PTN: variants seen among roughly 807,000 people sequenced by gnomAD.
The protein encoded by PTN is heparin affin regulatory protein.
PTN carries 18 observed loss-of-function variants against 24.1 expected under a neutral mutation model. That is an observed-to-expected ratio of 0.75 (90% CI 0.52 to 1.11). The LOEUF is 1.11. Ranked by LOEUF, PTN falls within the 50% of genes least tolerant of loss-of-function variation. PTN has a pLI of 0.00. For synonymous variants in PTN, 78 were observed against 68.6 expected (o/e 1.14, Z -0.67); for missense variants, 163 against 198.8 (o/e 0.82, Z 1.08).
At position 137,234,399 on chromosome 7, in the gene PTN, C is replaced by T. The variant is rs533303972; in HGVS notation, c.452-6324G>A. On this transcript the variant is annotated intron_variant, in intron 4 of 4. Transcript: ENST00000348225. ...CATTTTAAAAACTCCAGATATGTGT[C>T]GGGAAATTTATTTTTTGAAAGGAAG... 9.2e-5 allele frequency among the ~76,000 whole-genome samples: 14 copies of T among 151,994 alleles called. No individual in the cohort carries two copies. The South Asian group carries it at 1.5e-3, about 16-fold the overall frequency.
intron 4 of PTN, among the ~76,000 whole-genome samples, chr7:137,240,934 C>T (rs1808617368): frequency 6.6e-6 from 1 of 152,156 alleles, no homozygotes; most frequent in Non-Finnish European, 1.5e-5. Context: ...TTTCACACTG[C>T]TATAAAGACA....
intron 4 of PTN, among the ~76,000 whole-genome samples, chr7:137,230,260 T>A (rs936386034): frequency 6.6e-6 from 1 of 151,898 alleles, no homozygotes; most frequent in African/African-American, 2.4e-5. Flanking sequence ...GTCACCAAAT[T>A]CTTCTTGGTA....
At chr7:137,259,407 T>C in intron 1 of PTN, among the ~76,000 whole-genome samples, 2 of 152,216 alleles carry the variant, frequency 1.3e-5, no homozygotes, top group South Asian at 4.2e-4. Flanking sequence ...ACTTTTTGAG[T>C]GTCCTTGAAC....
intron 4 of PTN, among the ~76,000 whole-genome samples, chr7:137,249,598 C>T (rs935142664): frequency 1.3e-5 from 2 of 152,104 alleles, no homozygotes; most frequent in African/African-American, 4.8e-5. Context: ...GGTTCTACAG[C>T]TGGACTAAAA....
chr7:137,244,529 C>G (rs1427270194), intron 4 of PTN, among the ~76,000 whole-genome samples: 3 of 151,826 alleles, frequency 2.0e-5, no homozygotes, highest in African/African-American at 7.3e-5. Flanking sequence ...ATCCCTCCCC[C>G]CTCCTCCCAC....
intron 1 of PTN, among the ~76,000 whole-genome samples, chr7:137,289,733 A>C (rs1411803753): frequency 6.6e-6 from 1 of 152,118 alleles, no homozygotes; most frequent in African/African-American, 2.4e-5. Flanking sequence ...CAACTGCAAC[A>C]AACTAAATAT....
chr7:137,319,987 C>T (rs1231887956), intron 1 of PTN, among the ~76,000 whole-genome samples: 1 of 152,178 alleles, frequency 6.6e-6, no homozygotes, highest in East Asian at 1.9e-4. Flanking sequence ...GTCTGTATGT[C>T]CATGTTCCCA....
At chr7:137,314,594 A>C (rs938895871) in intron 1 of PTN, among the ~76,000 whole-genome samples, 2 of 108,062 alleles carry the variant, frequency 1.9e-5, no homozygotes. Context: ...CTTTTACATG[A>C]TGCTTTTTTT....
chr7:137,326,088 A>G (rs1370050995), intron 1 of PTN: 1 of 152,230 alleles, frequency 6.6e-6, no homozygotes, highest in Non-Finnish European at 1.5e-5. Flanking sequence ...CAGTAATGGG[A>G]CTAGAAATCT....
chr7:137,312,029 G>C (rs750904618), intron 1 of PTN, among the ~76,000 whole-genome samples: 1 of 152,078 alleles, frequency 6.6e-6, no homozygotes, highest in Non-Finnish European at 1.5e-5. Flanking sequence ...ATCATCAATG[G>C]ACCATGTCAT....
intron 1 of PTN, among the ~76,000 whole-genome samples, chr7:137,299,836 C>A (rs1809777948): frequency 1.3e-5 from 2 of 151,904 alleles, no homozygotes; most frequent in Non-Finnish European, 2.9e-5. Context: ...GAGACCCTGT[C>A]CTGACCCTAG....
intron 1 of PTN, among the ~76,000 whole-genome samples, chr7:137,293,318 T>C (rs1298369080): frequency 1.3e-5 from 2 of 152,050 alleles, no homozygotes; most frequent in Non-Finnish European, 2.9e-5. Flanking sequence ...ACACAGGTGA[T>C]TGAAGCTAGT....
chr7:137,247,298 A>T (rs1172550613), intron 4 of PTN, among the ~76,000 whole-genome samples: 1 of 152,228 alleles, frequency 6.6e-6, no homozygotes, highest in Non-Finnish European at 1.5e-5. Flanking sequence ...AGATAAAGAA[A>T]ATGTGGTACA....
chr7:137,246,955 G>T (rs1360070775), intron 4 of PTN, among the ~76,000 whole-genome samples: 1 of 152,156 alleles, frequency 6.6e-6, no homozygotes, highest in Non-Finnish European at 1.5e-5. Context: ...TAAATAAAAT[G>T]TATGCTTAAA....
At chr7:137,324,526 C>T (rs1275371464) in intron 1 of PTN, among the ~76,000 whole-genome samples, 1 of 150,164 alleles carries the variant, frequency 6.7e-6, no homozygotes, top group Non-Finnish European at 1.5e-5. Flanking sequence ...AGACCACAGC[C>T]CCATGAGATT....
intron 1 of PTN, among the ~76,000 whole-genome samples, chr7:137,258,900 AT>A (rs535744155): frequency 1.4e-4 from 21 of 151,960 alleles, no homozygotes; most frequent in Admixed American, 9.8e-4. Context: ...ATCGTGGCAT[AT>A]TTTTTTTAAT....
At chr7:137,335,928 C>CTT (rs35429933) in intron 1 of PTN, among the ~76,000 whole-genome samples, 12 of 141,896 alleles carry the variant, frequency 8.5e-5, no homozygotes, top group African/African-American at 2.6e-4. Flanking sequence ...TGTCTTCTCG[C>CTT]TTTTTTTTTT....
chr7:137,273,135 T>C (rs1409191520), intron 1 of PTN, among the ~76,000 whole-genome samples: 1 of 152,238 alleles, frequency 6.6e-6, no homozygotes, highest in Admixed American at 6.5e-5. Context: ...ACATTATCTC[T>C]CTGTTATTCA....
chr7:137,327,427 TC>T (rs1810281544), intron 1 of PTN, among the ~76,000 whole-genome samples: 1 of 152,106 alleles, frequency 6.6e-6, no homozygotes. Flanking sequence ...GTCTCTGAGG[TC>T]TTGCCTGGGA....
Sources: allele counts gnomAD v4.1 joint callset (sites outside exome capture counted in the v4.1 genomes callset), GRCh38; gene constraint gnomAD v4.1.1; transcripts MANE v1.5; gene names NCBI Gene and HGNC (gene_info 2026-07-23, HGNC 2026-07-21).